ERI1: variants seen among roughly 807,000 people sequenced by gnomAD.
The protein encoded by ERI1 is exoribonuclease 1, also known as 3'-5' exoribonuclease 1.
ERI1 carries 39 observed loss-of-function variants against 39.7 expected under a neutral mutation model. The observed-to-expected ratio is 0.98, with a 90% CI of 0.76 to 1.28. The LOEUF (loss-of-function observed/expected upper bound fraction) is 1.28, where lower values mean the gene tolerates loss of function less well. Among genes scored for constraint, ERI1 ranks in the 50% most tolerant of loss-of-function variants. The probability of loss-of-function intolerance (pLI) is 0.00; values close to 1 mark genes in which losing one functional copy is unlikely to be tolerated. For synonymous variants in ERI1, 204 were observed against 149.6 expected (o/e 1.36, Z -2.65); for missense variants, 581 against 416.9 (o/e 1.39, Z -3.43).
At chr8:9,067,695 G>A (rs1367052718) in intron 3 of ERI1, among the ~76,000 whole-genome samples, 1 of 150,862 alleles carries the variant, frequency 6.6e-6, no homozygotes, top group African/African-American at 2.4e-5. Context: ...CCATAACATG[G>A]ATAAGGCCTT....
At chr8:9,069,186 C>G (rs758757210) in intron 3 of ERI1, among the ~76,000 whole-genome samples, 2 of 152,176 alleles carry the variant, frequency 1.3e-5, no homozygotes, top group Admixed American at 6.5e-5. Context: ...GATCCATATT[C>G]TCAGATCACC....
At chr8:9,094,171 A>G (rs1332796162) in intron 3 of ERI1, among the ~76,000 whole-genome samples, 2 of 152,228 alleles carry the variant, frequency 1.3e-5, no homozygotes, top group South Asian at 4.1e-4. Flanking sequence ...ATTGAGGACA[A>G]TTGAAACATT....
intron 3 of ERI1, among the ~76,000 whole-genome samples, chr8:9,078,527 C>T (rs1404020231): frequency 2.0e-5 from 3 of 152,174 alleles, no homozygotes; most frequent in African/African-American, 4.8e-5. Flanking sequence ...CTTCCCCTCA[C>T]ACTGTTGTGA....
intron 3 of ERI1, among the ~76,000 whole-genome samples, chr8:9,038,526 G>A (rs531909222): frequency 1.1e-3 from 172 of 152,356 alleles, no homozygotes; most frequent in African/African-American, 4.0e-3. Flanking sequence ...TTGGGAGGCT[G>A]AGGTGGGTGG....
intron 1 of ERI1, among the ~76,000 whole-genome samples, chr8:9,005,908 A>G (rs1815966603): frequency 6.6e-6 from 1 of 152,180 alleles, no homozygotes; most frequent in Admixed American, 6.5e-5. Context: ...GATAATATAA[A>G]CCATACATCC....
At chr8:9,039,601 T>C (rs749931271) in intron 3 of ERI1, among the ~76,000 whole-genome samples, 2 of 152,236 alleles carry the variant, frequency 1.3e-5, no homozygotes, top group Non-Finnish European at 2.9e-5. Context: ...GTTAGGTTGA[T>C]GAAAGGCAAG....
chr8:9,080,110 G>A (rs1391330584), intron 3 of ERI1, among the ~76,000 whole-genome samples: 2 of 152,138 alleles, frequency 1.3e-5, no homozygotes, highest in Non-Finnish European at 2.9e-5. Flanking sequence ...TTAGGCTATA[G>A]GGTGTGGTTA....
At chr8:9,074,588 T>C (rs1406311653) in intron 3 of ERI1, among the ~76,000 whole-genome samples, 2 of 152,022 alleles carry the variant, frequency 1.3e-5, no homozygotes, top group African/African-American at 4.8e-5. Flanking sequence ...ACTACAGGTA[T>C]ATACTATTAT....
intron 6 of ERI1, among the ~76,000 whole-genome samples, chr8:9,023,835 G>A (rs1360276905): frequency 3.8e-5 from 4 of 105,152 alleles, no homozygotes; most frequent in Admixed American, 1.6e-4. Context: ...GTCTCACTCT[G>A]TCTCCCAAGC....
Position 9,003,188 on chromosome 8 carries a change from CG to C in ERI1, c.108+18del. The C allele has an allele frequency of 1.6e-6, 2 of 1,235,820 alleles. No homozygotes were observed. Among genetic ancestry groups the C allele is most frequent in the Non-Finnish European group, 2.0e-6 (2 of 987,298 alleles). The allele number at this position is 1,235,820 out of a possible 1,614,324, so 76.6% of individuals were successfully genotyped here. A position where few individuals can be genotyped will look rare whatever the true frequency, so the allele number is the denominator to read the frequency against. On this transcript the variant is annotated intron_variant, in intron 1 of 6. Transcript: ENST00000250263. Reference sequence around the variant, plus strand: ...AGTCCCGAGGTGAGGAGTCGACCCGCGCCTGGCTGTTGGCGCCAGCTGCCCC... The same window carrying C: ...AGTCCCGAGGTGAGGAGTCGACCCGCCCTGGCTGTTGGCGCCAGCTGCCCC...
At chr8:9,065,522 C>T (rs1258166999) in intron 3 of ERI1, among the ~76,000 whole-genome samples, 4 of 151,814 alleles carry the variant, frequency 2.6e-5, no homozygotes, top group African/African-American at 7.3e-5. Flanking sequence ...GGTGAAACGC[C>T]GTCTCTACTA....
At chr8:9,079,248 G>A (rs1799300286) in intron 3 of ERI1, among the ~76,000 whole-genome samples, 2 of 152,348 alleles carry the variant, frequency 1.3e-5, no homozygotes, top group East Asian at 1.9e-4. Flanking sequence ...AATAGCAGAT[G>A]TTGAGAGCAG....
At chr8:9,051,124 C>A (rs2117373136) in intron 3 of ERI1, among the ~76,000 whole-genome samples, 1 of 150,768 alleles carries the variant, frequency 6.6e-6, no homozygotes, top group Admixed American at 6.6e-5. Flanking sequence ...TATTACTTTC[C>A]CATAGGGAAT....
At chr8:9,069,142 A>C (rs1045352795) in intron 3 of ERI1, among the ~76,000 whole-genome samples, 1 of 152,208 alleles carries the variant, frequency 6.6e-6, no homozygotes, top group African/African-American at 2.4e-5. Flanking sequence ...TTAAAAGGAC[A>C]AAAGGGTTGT....
At position 9,017,066 on chromosome 8, in the gene ERI1, G is replaced by T. The variant is rs185082153; in HGVS notation, c.582+661G>T. ...TTTATTTTTATTTTTTTGAGATGGA[G>T]TCTCACTCTGTTGCCCAGGCTGGAG... On this transcript the variant is annotated intron_variant, in intron 4 of 6. Coordinates refer to ENST00000250263, the MANE Select transcript of ERI1 (RefSeq NM_153332.4). 4.5e-4 allele frequency among the ~76,000 whole-genome samples: 69 copies of T among 151,948 alleles called. 1 individual carries two copies. The highest frequency in any genetic ancestry group is 3.4e-3 in the Middle Eastern group (1 of 294).
rs147068902 is a variant in ERI1 at position 9,010,582 on chromosome 8, T to C, written c.288-960T>C. Among the ~76,000 whole-genome samples the C allele has an allele frequency of 8.9e-3, 1,347 of 152,024 alleles. 20 individuals carry two copies. The highest frequency in any genetic ancestry group is 0.031 in the African/African-American group (1,293 of 41,280). ...AAAGACTAAAAAGGTTTTTTTTAAA[T>C]AGTCATTAATCAGTTAACATGATAC... On this transcript the variant is annotated intron_variant, in intron 2 of 6. Coordinates refer to ENST00000250263, the MANE Select transcript of ERI1 (RefSeq NM_153332.4).
At position 9,072,163 on chromosome 8, in the gene ERI1, C is replaced by G. The variant is rs186402128; in HGVS notation, n.300-44185C>G. 3.3e-5 allele frequency among the ~76,000 whole-genome samples: 5 copies of G among 152,224 alleles called. No individual in the cohort carries two copies. The East Asian group carries it at 9.7e-4, about 29-fold the overall frequency. ...ATTTAGTTTTCCTGTAGTTCTTTCC[C>G]TAACGTTTGACAATAGCTTTCCTTT... On this transcript the variant is annotated intron_variant and non_coding_transcript_variant, in intron 3 of 3. Transcript: ENST00000518663.
chr8:9,024,280 C>T (rs1490594657), intron 6 of ERI1, among the ~76,000 whole-genome samples: 1 of 152,142 alleles, frequency 6.6e-6, no homozygotes, highest in Non-Finnish European at 1.5e-5. Flanking sequence ...CAGTTTAAGA[C>T]AGATTTTTGT....
At chr8:9,060,265 A>G (rs1798648721) in intron 3 of ERI1, among the ~76,000 whole-genome samples, 1 of 152,172 alleles carries the variant, frequency 6.6e-6, no homozygotes, top group Non-Finnish European at 1.5e-5. Context: ...ACAGAAGGGA[A>G]GAAATGACCG....
Sources: gnomAD v4.1 joint callset for allele counts (sites outside exome capture counted in the v4.1 genomes callset) on GRCh38, gnomAD v4.1.1 for gene constraint, MANE v1.5 for transcripts, NCBI Gene and HGNC (gene_info 2026-07-23, HGNC 2026-07-21) for gene names.